TPO: variants seen among roughly 807,000 people sequenced by gnomAD.
TPO encodes thyroid microsomal antigen.
TPO carries 78 observed loss-of-function variants against 96.9 expected under a neutral mutation model. The observed-to-expected ratio is 0.81, with a 90% CI of 0.67 to 0.97. The LOEUF (loss-of-function observed/expected upper bound fraction) is 0.97, where lower values mean the gene tolerates loss of function less well. Ranked by LOEUF, TPO falls within the 50% of genes least tolerant of loss-of-function variation. The pLI is 0.00. For missense variants in TPO, 1,252 were observed against 1,274.8 expected (o/e 0.98, Z 0.27); for synonymous variants, 547 against 538.0 (o/e 1.02, Z -0.23).
chr2:1,386,718 G>T (rs1441105931), intron 1 of TPO, among the ~76,000 whole-genome samples: 1 of 152,112 alleles, frequency 6.6e-6, no homozygotes, highest in African/African-American at 2.4e-5. Flanking sequence ...TACATTTAAG[G>T]TTAATTTTGT....
At chr2:1,440,889 C>T (rs928137526) in intron 5 of TPO, among the ~76,000 whole-genome samples, 12 of 150,062 alleles carry the variant, frequency 8.0e-5, no homozygotes, top group Non-Finnish European at 1.3e-4. Flanking sequence ...TAGTCAGTGC[C>T]GCAGGAGGCA....
chr2:1,384,445 T>G (rs1272775079), intron 1 of TPO, among the ~76,000 whole-genome samples: 1 of 152,290 alleles, frequency 6.6e-6, no homozygotes, highest in East Asian at 1.9e-4. Context: ...TAAGTTGGAT[T>G]CCTAGGTATT....
intron 1 of TPO, among the ~76,000 whole-genome samples, chr2:1,400,114 A>G (rs1328101076): frequency 6.6e-6 from 1 of 152,190 alleles, no homozygotes; most frequent in Non-Finnish European, 1.5e-5. Context: ...AGAAAAAATT[A>G]TGTTTGAAAT....
At chr2:1,511,963 A>G (rs1410250153) in intron 14 of TPO, among the ~76,000 whole-genome samples, 1 of 152,236 alleles carries the variant, frequency 6.6e-6, no homozygotes, top group African/African-American at 2.4e-5. Flanking sequence ...CTAATTTCCA[A>G]TATTTTGTTT....
intron 14 of TPO, among the ~76,000 whole-genome samples, chr2:1,506,702 A>C (rs1174754740): frequency 6.6e-6 from 1 of 152,154 alleles, no homozygotes; most frequent in African/African-American, 2.4e-5. Flanking sequence ...GTGTCTGTTC[A>C]TATCCTTCAC....
chr2:1,530,213 G>A (rs1267805901), intron 15 of TPO, among the ~76,000 whole-genome samples: 1 of 27,656 alleles, frequency 3.6e-5, no homozygotes, highest in Non-Finnish European at 6.0e-5. Flanking sequence ...CCCACTGTGT[G>A]CAACCTCCTC....
chr2:1,403,378 T>A (rs1662200481), intron 1 of TPO, among the ~76,000 whole-genome samples: 1 of 152,106 alleles, frequency 6.6e-6, no homozygotes, highest in South Asian at 2.1e-4. Flanking sequence ...CCTCCTACCA[T>A]CGTGAGATAG....
chr2:1,516,474 T>C (rs552649332), intron 14 of TPO, among the ~76,000 whole-genome samples: 1 of 152,224 alleles, frequency 6.6e-6, no homozygotes, highest in African/African-American at 2.4e-5. Flanking sequence ...CCGCGTCCCT[T>C]ACAGCCCACC....
At chr2:1,411,784 C>T (rs1410636090), upstream of TPO, among the ~76,000 whole-genome samples, 1 of 152,182 alleles carries the variant, frequency 6.6e-6, no homozygotes, top group East Asian at 1.9e-4. Context: ...CCCCTTTCTC[C>T]CCTCAGACTT....
chr2:1,390,149 C>A (rs922383104), intron 1 of TPO, among the ~76,000 whole-genome samples: 1 of 134,702 alleles, frequency 7.4e-6, no homozygotes, highest in African/African-American at 3.9e-5. Context: ...AGGTATTTCT[C>A]CTAATGCTAT....
intron 1 of TPO, among the ~76,000 whole-genome samples, chr2:1,399,453 A>G (rs1293016473): frequency 6.6e-6 from 1 of 152,230 alleles, no homozygotes; most frequent in African/African-American, 2.4e-5. Context: ...CCCACGGTGA[A>G]GCTTAGTTTA....
At chr2:1,521,258 C>G (rs768572421) in intron 15 of TPO, among the ~76,000 whole-genome samples, 2 of 152,218 alleles carry the variant, frequency 1.3e-5, no homozygotes, top group Non-Finnish European at 2.9e-5. Flanking sequence ...GGACGTCTAA[C>G]CCTTTGTTCC....
Position 1,542,567 on chromosome 2 carries a change from G to T in TPO, c.*93G>T. The T allele has an allele frequency of 1.3e-6, 2 of 1,582,210 alleles. No homozygotes were observed. Among genetic ancestry groups the T allele is most frequent in the Non-Finnish European group, 1.7e-6 (2 of 1,163,320 alleles). ...ACACAGGCAAATCCGAAATCAGCAG[G>T]ACGACTGTTTTCCCAACACGGGTAA... On this transcript the variant is annotated 3_prime_UTR_variant, in exon 17 of 17. Coordinates refer to ENST00000329066, the MANE Select transcript of TPO (RefSeq NM_001206744.2).
At chr2:1,490,776 GCTCATGT>G (rs1671705514) in intron 10 of TPO, among the ~76,000 whole-genome samples, 1 of 152,166 alleles carries the variant, frequency 6.6e-6, no homozygotes, top group Non-Finnish European at 1.5e-5. Flanking sequence ...AAAGAGAAAC[GCTCATGT>G]CTCAGCAAGC....
In TPO at chr2:1,484,688, C is replaced by T; in HGVS notation, c.1431C>T (p.Ala477=). The T allele has an allele frequency of 6.2e-7, 1 of 1,614,144 alleles. No homozygotes were observed. ...VGPYEGYDST[A]NPTVSNVFST... ...CCTATGAAGGCTATGACTCCACCGCCAACCCCACTGTGTCCAACGTGTTCT... is the reference window on the plus strand; with the variant it reads ...CCTATGAAGGCTATGACTCCACCGCTAACCCCACTGTGTCCAACGTGTTCT... The change falls in exon 9 of 17, where the codon GCC becomes GCT. Residue 477 remains alanine, a synonymous_variant. Coordinates refer to ENST00000329066, the MANE Select transcript of TPO (RefSeq NM_001206744.2).
chr2:1,531,207 C>T (rs1678122944), intron 15 of TPO, among the ~76,000 whole-genome samples: 1 of 109,234 alleles, frequency 9.2e-6, no homozygotes, highest in South Asian at 3.4e-4. Context: ...ACACTGTCTG[C>T]AACCACCCCA....
chr2:1,484,920 A>G (rs1670991258), intron 9 of TPO, 66 bp downstream of exon 9: 2 of 1,591,024 alleles, frequency 1.3e-6, no homozygotes, highest in South Asian at 1.1e-5. Flanking sequence ...ATTTTTTTAA[A>G]TTATATTTTA....
intron 7 of TPO, among the ~76,000 whole-genome samples, chr2:1,471,348 T>C (rs559612674): frequency 6.6e-6 from 1 of 152,164 alleles, no homozygotes; most frequent in Non-Finnish European, 1.5e-5. Context: ...CTACTTCACA[T>C]TTCTCACCCT....
Position 1,456,267 on chromosome 2 carries a change from ATGTTT to A in TPO, c.806_810del (p.Cys269SerfsTer201). On this transcript the variant is annotated frameshift_variant, in exon 7 of 17. Coordinates refer to ENST00000329066, the MANE Select transcript of TPO (RefSeq NM_001206744.2). LOFTEE classifies it high-confidence loss of function. ...AGATGACTTGTGAGAACCAAAACCC[ATGTTT>A]TCCCATACAAGTAAGTTTTAGAAAA... 2 of 1,614,082 alleles carry A rather than the reference ATGTTT, an allele frequency of 1.2e-6. No individual in the cohort carries two copies. The highest frequency in any genetic ancestry group is 1.7e-6 in the Non-Finnish European group (2 of 1,180,008).
Sources: allele counts gnomAD v4.1 joint callset (sites outside exome capture counted in the v4.1 genomes callset), GRCh38; gene constraint gnomAD v4.1.1; transcripts MANE v1.5; gene names NCBI Gene and HGNC (gene_info 2026-07-23, HGNC 2026-07-21).